GJB1: variants seen among roughly 807,000 people sequenced by gnomAD.
GJB1 encodes gap junction beta-1 protein.
A neutral mutation model predicts 12.0 loss-of-function variants in GJB1; 1 was observed. The observed-to-expected ratio is 0.08, with a 90% CI of 0.03 to 0.40. The LOEUF (loss-of-function observed/expected upper bound fraction) is 0.40. Ranked by LOEUF, GJB1 falls within the 10% of genes least tolerant of loss-of-function variation. GJB1 has a pLI of 0.98. For missense variants in GJB1, 140 were observed against 250.3 expected, an observed-to-expected ratio of 0.56 and a Z score of 2.97; for synonymous variants, 114 against 102.8, an observed-to-expected ratio of 1.11 and a Z score of -0.66.
At chrX:71,217,463 G>A (rs947696752) in intron 1 of GJB1, among the ~76,000 whole-genome samples, 4 of 111,625 alleles carry the variant, frequency 3.6e-5, no homozygotes, top group African/African-American at 1.3e-4. Context: ...CTGGGGACAG[G>A]GCCAGAGCCT....
intron 1 of GJB1, 127 bp downstream of exon 1, chrX:71,223,462 T>C (rs2092541395): frequency 2.3e-6 from 1 of 442,556 alleles, no homozygotes; most frequent in East Asian, 3.8e-5. Flanking sequence ...GGGAAAAGAA[T>C]GTTGGATGAA....
upstream of GJB1, among the ~76,000 whole-genome samples, chrX:71,218,747 G>A (rs1178084935): frequency 9.3e-6 from 1 of 108,098 alleles, no homozygotes; most frequent in African/African-American, 3.4e-5. Flanking sequence ...AGCCGGGCGT[G>A]GTTGCGGGGG....
Position 71,224,695 on chromosome X carries a change from T to G in GJB1, c.*136T>G. On this transcript the variant is annotated 3_prime_UTR_variant, in exon 2 of 2. Coordinates refer to ENST00000361726, the MANE Select transcript of GJB1 (RefSeq NM_000166.6). ...AACCTTCCTTCCCTGGCTACTTCCC[T>G]TCCTCCCGGGGCCTTCCTTTTGAGG... 2 of 600,622 alleles carry G rather than the reference T, an allele frequency of 3.3e-6. No homozygotes were observed. Among genetic ancestry groups the G allele is most frequent in the East Asian group, 3.6e-5 (1 of 27,775 alleles). 49.5% of individuals were successfully genotyped at this position (600,622 alleles called of 1,213,427 possible).
rs771339919 is a variant in GJB1, at chrX:71,224,091, A to G, written c.384A>G (p.Ser128=). The G allele has an allele frequency of 6.6e-6, 8 of 1,207,279 alleles. No homozygotes were observed. The South Asian group carries it at 1.2e-4, about 19-fold the overall frequency. ...EEVKRHKVHI[S]GTLWWTYVIS... ...TGAAGAGGCACAAGGTCCACATCTCAGGGACACTGTGGTGGACCTATGTCA... is the reference window on the plus strand; with the variant it reads ...TGAAGAGGCACAAGGTCCACATCTCGGGGACACTGTGGTGGACCTATGTCA... Residue 128 remains serine, a synonymous_variant, in exon 2 of 2, where the codon TCA becomes TCG. Transcript: ENST00000361726.
chrX:71,220,895 T>C (rs1349841359), upstream of GJB1, among the ~76,000 whole-genome samples: 41 of 76,781 alleles, frequency 5.3e-4, no homozygotes, highest in African/African-American at 2.0e-3. Context: ...CTTTCCTTTT[T>C]TTTTTTTTTT....
rs756086307 is a variant in GJB1 at position 71,223,743 on chromosome X, C to T, written c.36C>T (p.Gly12=). The T allele has an allele frequency of 2.4e-5, 29 of 1,207,994 alleles. No individual in the cohort carries two copies. In the Admixed American group the frequency reaches 5.0e-4, roughly 21 times the overall value. Residue 12 remains glycine (G), a synonymous_variant, in exon 2 of 2, where the codon GGC becomes GGT. Coordinates refer to ENST00000361726, the MANE Select transcript of GJB1 (RefSeq NM_000166.6). ...NWTGLYTLLS[G]VNRHSTAIGR... is the part of the protein sequence containing the mutation. Reference sequence around the variant, plus strand: ...CAGGTTTGTACACCTTGCTCAGTGGCGTGAACCGGCATTCTACTGCCATTG... The same window carrying T: ...CAGGTTTGTACACCTTGCTCAGTGGTGTGAACCGGCATTCTACTGCCATTG...
upstream of GJB1, among the ~76,000 whole-genome samples, chrX:71,218,904 T>C (rs377391922): frequency 2.8e-5 from 3 of 107,032 alleles, no homozygotes; most frequent in South Asian, 1.2e-3. Context: ...AAAAAAAGTG[T>C]GTGTTCTGGA....
Position 71,223,702 on chromosome X carries a change from G to A in GJB1, c.-6G>A, listed in dbSNP as rs201344743. 508 of 1,208,773 alleles carry A rather than the reference G, an allele frequency of 4.2e-4. 3 individuals carry two copies. Among genetic ancestry groups the A allele is most frequent in the Non-Finnish European group, 4.9e-4 (437 of 894,795 alleles). On this transcript the variant is annotated 5_prime_UTR_variant, in exon 2 of 2. Transcript: ENST00000361726. ...GCTGGTGTTTTGCAGGTGTGAATGA[G>A]GCAGGATGAACTGGACAGGTTTGTA...
chrX:71,221,644 C>T (rs1002130577), upstream of GJB1, among the ~76,000 whole-genome samples: 6 of 111,378 alleles, frequency 5.4e-5, no homozygotes, highest in Admixed American at 4.8e-4. Flanking sequence ...CAGTTTCCTG[C>T]TGCTAGTATG....
At chrX:71,219,752 C>T (rs1280527565), upstream of GJB1, among the ~76,000 whole-genome samples, 114 of 62,415 alleles carry the variant, frequency 1.8e-3, 2 homozygotes, top group Non-Finnish European at 2.3e-3. Context: ...CCAGCCTGGG[C>T]GACAGAGCGA....
At position 71,223,795 on chromosome X, in the gene GJB1, A is replaced by C; in HGVS notation, c.88A>C (p.Ile30Leu). The C allele has an allele frequency of 8.3e-7, 1 of 1,211,297 alleles. No individual in the cohort carries two copies. Among genetic ancestry groups the C allele is most frequent in the Non-Finnish European group, 1.1e-6 (1 of 895,252 alleles). ...CCGAGTATGGCTCTCGGTCATCTTC[A>C]TCTTCAGAATCATGGTGCTGGTGGT... ...IGRVWLSVIF[I>L]FRIMVLVVAA... Residue 30 changes from isoleucine (I) to leucine (L), a missense_variant, in exon 2 of 2, where the codon ATC becomes CTC. Physicochemically the swap from Ile to Leu is conservative, Grantham distance 5. Around this residue, in one of 4 missense-constraint regions of GJB1, gnomAD observed 16 missense variants for 50.0 expected, o/e 0.32. Transcript: ENST00000361726.
chrX:71,218,732 A>T (rs943741825), upstream of GJB1, among the ~76,000 whole-genome samples: 3 of 108,588 alleles, frequency 2.8e-5, no homozygotes, highest in Admixed American at 1.0e-4. Context: ...AAATACAAAA[A>T]AATTAGCCGG....
chrX:71,223,345 C>T lies in GJB1; in HGVS notation c.-17+10C>T. ...ATAGGCGCTCCCCAAGGTAAGAGGG[C>T]TTTGTTGAGTTTGCCCCAGGTCTGG... On this transcript the variant is annotated intron_variant, in intron 1 of 1. Transcript: ENST00000361726. The T allele has an allele frequency of 3.2e-6, 1 of 314,896 alleles. No homozygotes were observed. The highest frequency in any genetic ancestry group is 5.7e-6 in the Non-Finnish European group (1 of 174,957). 26.0% of individuals were successfully genotyped at this position (314,896 alleles called of 1,213,427 possible).
At position 71,224,741 on chromosome X, in the gene GJB1, A is replaced by G. The variant is rs559651431; in HGVS notation, c.*182A>G. 304 of 485,888 alleles carry G rather than the reference A, an allele frequency of 6.3e-4. 1 individual carries two copies. The South Asian group carries it at 8.9e-3, about 14-fold the overall frequency. The allele number at this position is 485,888 out of a possible 1,213,427, so 40.0% of individuals were successfully genotyped here. A position where few individuals can be genotyped will look rare whatever the true frequency, so the allele number is the denominator to read the frequency against. Reference sequence around the variant, plus strand: ...TGAGGAGCTGGAGGGGTGGGGAGCTAGAGGCCACCTATGCCAGTGCTCAAG... The same window carrying G: ...TGAGGAGCTGGAGGGGTGGGGAGCTGGAGGCCACCTATGCCAGTGCTCAAG... On this transcript the variant is annotated 3_prime_UTR_variant, in exon 2 of 2. Transcript: ENST00000361726.
upstream of GJB1, among the ~76,000 whole-genome samples, chrX:71,218,817 C>T (rs1383386204): frequency 1.9e-5 from 2 of 106,128 alleles, no homozygotes; most frequent in East Asian, 5.9e-4. Flanking sequence ...ACCCAGGGGG[C>T]GGAGCTTGCA....
upstream of GJB1, among the ~76,000 whole-genome samples, chrX:71,219,161 T>TA (rs2092531555): frequency 9.6e-6 from 1 of 104,336 alleles, no homozygotes; most frequent in Non-Finnish European, 1.9e-5. Flanking sequence ...TTATTATTAT[T>TA]ATTATTATTA....
At position 71,225,314 on chromosome X, in the gene GJB1, G is replaced by C. The variant is rs1226581623; in HGVS notation, c.*755G>C. The C allele has an allele frequency of 8.1e-6, 1 of 123,322 alleles. No individual in the cohort carries two copies. Among genetic ancestry groups the C allele is most frequent in the East Asian group, 2.8e-4 (1 of 3,587 alleles). The allele number at this position is 123,322 out of a possible 1,213,427, so 10.2% of individuals were successfully genotyped here. Reference sequence around the variant, plus strand: ...AGAAAGGAACAGGGCAAAAGAAGTAGTTACTTGAGTAGCTGAAGCTGCAAA... The same window carrying C: ...AGAAAGGAACAGGGCAAAAGAAGTACTTACTTGAGTAGCTGAAGCTGCAAA... On this transcript the variant is annotated 3_prime_UTR_variant, in exon 2 of 2. Transcript: ENST00000361726.
chrX:71,221,237 A>G (rs1164836156), upstream of GJB1, among the ~76,000 whole-genome samples: 1 of 112,265 alleles, frequency 8.9e-6, no homozygotes, highest in East Asian at 2.8e-4. Context: ...GCAGCTTTGC[A>G]TATAGAATCC....
intron 1 of GJB1, among the ~76,000 whole-genome samples, chrX:71,215,954 C>G (rs1017525650): frequency 2.7e-4 from 29 of 109,104 alleles, no homozygotes; most frequent in African/African-American, 2.7e-4. Context: ...TCACTGCAAC[C>G]TCTGCCTCCC....
Sources: allele counts gnomAD v4.1 joint callset (sites outside exome capture counted in the v4.1 genomes callset), GRCh38; gene constraint gnomAD v4.1.1; regional missense constraint gnomAD v4.1.1; transcripts MANE v1.5; gene names NCBI Gene and HGNC (gene_info 2026-07-23, HGNC 2026-07-21).